RBM19: variants seen among roughly 807,000 people sequenced by gnomAD.
The protein encoded by RBM19 is RNA binding motif protein 19.
A neutral mutation model predicts 116.8 loss-of-function variants in RBM19; 94 were observed. The observed-to-expected ratio is 0.80, with a 90% confidence interval of 0.68 to 0.95. RBM19 has a LOEUF of 0.95. Among genes scored for constraint, RBM19 ranks in the 40% least tolerant of loss-of-function variants. The pLI is 0.00. For synonymous variants in RBM19, 475 were observed against 494.1 expected (o/e 0.96, Z 0.51); for missense variants, 1,161 against 1,220.7 (o/e 0.95, Z 0.73).
chr12:113,894,076 A>T (rs1395732860), intron 21 of RBM19, among the ~76,000 whole-genome samples: 1 of 151,878 alleles, frequency 6.6e-6, no homozygotes, highest in Non-Finnish European at 1.5e-5. Context: ...TCCCTTTTCT[A>T]CCTCTTTCTC....
At chr12:113,936,557 G>A (rs1218068725) in intron 16 of RBM19, among the ~76,000 whole-genome samples, 1 of 152,216 alleles carries the variant, frequency 6.6e-6, no homozygotes, top group Non-Finnish European at 1.5e-5. Context: ...GCCAGGGGGT[G>A]GGGGTTGCCC....
At chr12:113,829,475 T>G (rs1487510943) in intron 23 of RBM19, among the ~76,000 whole-genome samples, 1 of 152,230 alleles carries the variant, frequency 6.6e-6, no homozygotes, top group African/African-American at 2.4e-5. Context: ...TCTGCTTATC[T>G]CATGGGGACC....
exon 25 of RBM19, chr12:113,816,908 T>G (rs1005047220): frequency 6.6e-6 from 1 of 152,190 alleles, no homozygotes; most frequent in African/African-American, 2.4e-5. Context: ...AAAGTCATTT[T>G]CATTAAAATT....
Position 113,948,826 on chromosome 12 carries a change from C to T in RBM19, c.1276+7G>A. On this transcript the variant is annotated splice_region_variant and intron_variant, in intron 10 of 23. Coordinates refer to ENST00000261741, the MANE Select transcript of RBM19 (RefSeq NM_016196.4). The stretch of plus-strand genomic sequence containing the variant: ...GGCTATCCACGGCCCGGAGGCCACA[C>T]CCCTACCATATTTGGAGAAGAGCTT... The T allele has an allele frequency of 1.2e-6, 2 of 1,614,096 alleles. No individual in the cohort carries two copies. Among genetic ancestry groups the T allele is most frequent in the East Asian group, 2.2e-5 (1 of 44,860 alleles).
At chr12:113,843,216 T>C (rs1176074633) in intron 23 of RBM19, among the ~76,000 whole-genome samples, 1 of 152,166 alleles carries the variant, frequency 6.6e-6, no homozygotes, top group African/African-American at 2.4e-5. Context: ...GAGGGAATAA[T>C]CACTCCTGGC....
chr12:113,857,564 T>C (rs969732118), intron 22 of RBM19, among the ~76,000 whole-genome samples: 1 of 152,210 alleles, frequency 6.6e-6, no homozygotes, highest in African/African-American at 2.4e-5. Context: ...GCATGCAAGG[T>C]GTGTCCCCTG....
At chr12:113,904,986 T>G (rs1267799553) in intron 21 of RBM19, among the ~76,000 whole-genome samples, 1 of 152,206 alleles carries the variant, frequency 6.6e-6, no homozygotes, top group African/African-American at 2.4e-5. Flanking sequence ...GGCATCCCAC[T>G]TCCGTGGCTG....
Position 113,962,363 on chromosome 12 carries a change from C to G in RBM19, c.88G>C (p.Asp30His). 1 of 1,614,248 alleles carries G rather than the reference C, an allele frequency of 6.2e-7. No individual in the cohort carries two copies. The highest frequency in any genetic ancestry group is 8.5e-7 in the Non-Finnish European group (1 of 1,180,018). Residue 30 changes from aspartate (D) to histidine (H), a missense_variant, in exon 2 of 24, where the codon GAC (aspartate) becomes CAC (histidine). Coordinates refer to ENST00000261741, the MANE Select transcript of RBM19 (RefSeq NM_016196.4). The stretch of plus-strand genomic sequence containing the variant: ...TCTTTGGTGAACTTCAGGCTGCAGT[C>G]TGTCAGCGTGCCGAAGGCGGCAAAC... ...QLFAAFGTLTDCSLKFTKDGK... is the reference protein window; with the variant it reads ...QLFAAFGTLTHCSLKFTKDGK...
chr12:113,905,552 A>C (rs1443627827), intron 21 of RBM19, among the ~76,000 whole-genome samples: 1 of 152,156 alleles, frequency 6.6e-6, no homozygotes, highest in African/African-American at 2.4e-5. Context: ...GGAGGCAAGG[A>C]TCTCTTAGCA....
In RBM19 at chr12:113,839,791, G is replaced by A. The variant is rs3782426; in HGVS notation, c.2785+4877C>T. Among the ~76,000 whole-genome samples the A allele has an allele frequency of 9.7e-4, 148 of 152,296 alleles. 4 individuals carry two copies. The East Asian group carries it at 0.028, about 29-fold the overall frequency. On this transcript the variant is annotated intron_variant, in intron 23 of 23. Coordinates refer to ENST00000261741, the MANE Select transcript of RBM19 (RefSeq NM_016196.4). ...CAAATGAGAAAACAGAAGCTCACAGGGAGGAACGACTTGCCCCAGGACAAC... is the reference window on the plus strand; with the variant it reads ...CAAATGAGAAAACAGAAGCTCACAGAGAGGAACGACTTGCCCCAGGACAAC...
intron 16 of RBM19, among the ~76,000 whole-genome samples, chr12:113,935,472 T>C (rs1869972752): frequency 6.6e-6 from 1 of 152,016 alleles, no homozygotes; most frequent in East Asian, 1.9e-4. Context: ...CCAAACTGAG[T>C]GGAGAGAGCT....
intron 22 of RBM19, among the ~76,000 whole-genome samples, chr12:113,849,327 G>A (rs1171237481): frequency 6.6e-6 from 1 of 152,280 alleles, no homozygotes; most frequent in Non-Finnish European, 1.5e-5. Context: ...AAAGCACACT[G>A]TGGCGTCTCC....
chr12:113,839,766 CA>C (rs1261814138), intron 23 of RBM19, among the ~76,000 whole-genome samples: 1 of 152,214 alleles, frequency 6.6e-6, no homozygotes, highest in Non-Finnish European at 1.5e-5. Context: ...TAACATCTTT[CA>C]AATGAGAAAA....
intron 22 of RBM19, among the ~76,000 whole-genome samples, chr12:113,855,916 A>C (rs78524926): frequency 0.022 from 3,370 of 152,348 alleles, 51 homozygotes; most frequent in Non-Finnish European, 0.033. Context: ...TTCTCCAGAC[A>C]GACCTGGAGC....
intron 21 of RBM19, among the ~76,000 whole-genome samples, chr12:113,868,395 T>C (rs1188783178): frequency 6.6e-6 from 1 of 152,208 alleles, no homozygotes; most frequent in Non-Finnish European, 1.5e-5. Context: ...AAATAGAGTT[T>C]TAAAAATCAG....
chr12:113,864,112 A>T (rs1031283168), intron 21 of RBM19, among the ~76,000 whole-genome samples: 1 of 152,196 alleles, frequency 6.6e-6, no homozygotes, highest in Non-Finnish European at 1.5e-5. Context: ...AGGCGAAGTG[A>T]CTTGCCCAAG....
At chr12:113,960,327 G>A (rs1872384101) in intron 2 of RBM19, 149 bp from the exon 3 acceptor site, 3 of 1,002,856 alleles carry the variant, frequency 3.0e-6, no homozygotes, top group Admixed American at 5.1e-5. Flanking sequence ...CCCTTAGCCT[G>A]GGCTTTCTTT....
chr12:113,909,152 T>A (rs1012116971), intron 21 of RBM19, among the ~76,000 whole-genome samples: 1 of 152,126 alleles, frequency 6.6e-6, no homozygotes, highest in Non-Finnish European at 1.5e-5. Flanking sequence ...AGAGAAGGTC[T>A]CACTCTGTTG....
rs1013811299 is a variant in RBM19, at chr12:113,822,990, C to T, written c.*234G>A. 2.8e-5 allele frequency: 15 copies of T among 533,686 alleles called. No homozygotes were observed. The highest frequency in any genetic ancestry group is 4.4e-5 in the Non-Finnish European group (13 of 295,350). 33.1% of individuals were successfully genotyped at this position (533,686 alleles called of 1,614,324 possible). A position where few individuals can be genotyped will look rare whatever the true frequency, so the allele number is the denominator to read the frequency against. ...TTCCGTGTCTGCTACAGAGCAGGTGCGCAGTCAGTGTCTGCTAGAACGCGT... is the reference window on the plus strand; with the variant it reads ...TTCCGTGTCTGCTACAGAGCAGGTGTGCAGTCAGTGTCTGCTAGAACGCGT... On this transcript the variant is annotated 3_prime_UTR_variant, in exon 24 of 24. Transcript: ENST00000261741.
Sources: gnomAD v4.1 joint callset for allele counts (sites outside exome capture counted in the v4.1 genomes callset) on GRCh38, gnomAD v4.1.1 for gene constraint, MANE v1.5 for transcripts, NCBI Gene and HGNC (gene_info 2026-07-23, HGNC 2026-07-21) for gene names.